Variants in PPP2R3A observed in about 807,000 individuals in gnomAD.
PPP2R3A encodes serine/threonine-protein phosphatase 2A regulatory subunit B'' subunit alpha.
A neutral mutation model predicts 106.9 loss-of-function variants in PPP2R3A; 80 were observed. The ratio of observed to expected loss-of-function variants is 0.75; its 90% CI spans 0.62 to 0.90. PPP2R3A has a LOEUF of 0.90. Among genes scored for constraint, PPP2R3A ranks in the 40% least tolerant of loss-of-function variants. The pLI, the probability that PPP2R3A is intolerant of heterozygous loss-of-function variation, is 0.00. For missense variants in PPP2R3A, 1,386 were observed against 1,350.4 expected (o/e 1.03, Z -0.41); for synonymous variants, 483 against 468.3 (o/e 1.03, Z -0.41).
intron 13 of PPP2R3A, among the ~76,000 whole-genome samples, chr3:136,123,015 T>C (rs991673369): frequency 4.6e-5 from 7 of 152,166 alleles, no homozygotes; most frequent in African/African-American, 1.7e-4. Flanking sequence ...AACTCTTTAA[T>C]GGATAAAGGG....
intron 1 of PPP2R3A, among the ~76,000 whole-genome samples, chr3:135,990,930 G>A (rs1933133597): frequency 6.6e-6 from 1 of 152,006 alleles, no homozygotes; most frequent in African/African-American, 2.4e-5. Context: ...TGTTGCCTTT[G>A]CCCCACTCCT....
In PPP2R3A at chr3:136,001,704, A is replaced by G. The variant is rs778966548; in HGVS notation, c.206A>G (p.Asn69Ser). 24 of 1,613,970 alleles carry G rather than the reference A, an allele frequency of 1.5e-5. No homozygotes were observed. Among genetic ancestry groups the G allele is most frequent in the Middle Eastern group, 1.6e-4 (1 of 6,062 alleles). Residue 69 changes from asparagine (N) to serine (S), a missense_variant, in exon 2 of 14, where the codon AAC becomes AGC. By Grantham distance (46) the Asn-to-Ser change is conservative. Coordinates refer to ENST00000264977, the MANE Select transcript of PPP2R3A (RefSeq NM_002718.5). ...TCTCAGTTCAAAGATGCAGATCTGAACTCTATGTTTCTACCCCATGAAAAT... is the reference window on the plus strand; with the variant it reads ...TCTCAGTTCAAAGATGCAGATCTGAGCTCTATGTTTCTACCCCATGAAAAT... ...PVSQFKDADL[N>S]SMFLPHENGL...
intron 4 of PPP2R3A, among the ~76,000 whole-genome samples, chr3:136,041,448 T>C (rs921339933): frequency 1.3e-5 from 2 of 151,942 alleles, no homozygotes; most frequent in African/African-American, 4.8e-5. Flanking sequence ...TGGATCTCAC[T>C]CTGTTGCCCA....
chr3:136,105,876 C>G (rs1160344954), intron 12 of PPP2R3A, among the ~76,000 whole-genome samples: 3 of 152,026 alleles, frequency 2.0e-5, no homozygotes, highest in Non-Finnish European at 4.4e-5. Context: ...AGGAGAATTG[C>G]TTGAACCCAG....
intron 5 of PPP2R3A, among the ~76,000 whole-genome samples, chr3:136,058,411 C>T (rs909288364): frequency 1.3e-5 from 2 of 152,140 alleles, no homozygotes; most frequent in Admixed American, 1.3e-4. Flanking sequence ...AACTCCCATT[C>T]ACAATTGCCA....
At chr3:136,077,294 T>A (rs1424566172) in intron 6 of PPP2R3A, among the ~76,000 whole-genome samples, 1 of 152,152 alleles carries the variant, frequency 6.6e-6, no homozygotes, top group East Asian at 1.9e-4. Context: ...GAAGAATCAC[T>A]CTCTCTGCTG....
chr3:136,093,758 A>G (rs1937152509), intron 10 of PPP2R3A, among the ~76,000 whole-genome samples: 1 of 152,262 alleles, frequency 6.6e-6, no homozygotes, highest in African/African-American at 2.4e-5. Flanking sequence ...GGTGCTGCCA[A>G]GCAGGTGGAA....
intron 7 of PPP2R3A, among the ~76,000 whole-genome samples, chr3:136,079,623 G>A (rs1460020911): frequency 6.6e-6 from 1 of 151,726 alleles, no homozygotes; most frequent in African/African-American, 2.4e-5. Flanking sequence ...TGGCCAGGCT[G>A]GTCTCCAACT....
rs544440299 is a variant in PPP2R3A at position 135,984,095 on chromosome 3, C to T, written c.-440-16964C>T. On this transcript the variant is annotated intron_variant, in intron 1 of 13. Coordinates refer to ENST00000264977, the MANE Select transcript of PPP2R3A (RefSeq NM_002718.5). ...ACAACTTCAGTGTTGTATAGATTTT[C>T]CCTCCCTCCTTCCCCTTCTAACTAC... is the stretch of plus-strand genomic sequence containing the variant. Among the ~76,000 whole-genome samples, 5 of 152,218 alleles carry T rather than the reference C, an allele frequency of 3.3e-5. No individual in the cohort carries two copies. In the East Asian group the frequency reaches 9.7e-4, roughly 29 times the overall value.
chr3:135,995,447 A>ATTTTTTTT (rs60359404), intron 1 of PPP2R3A, among the ~76,000 whole-genome samples: 11 of 87,324 alleles, frequency 1.3e-4, no homozygotes, highest in Non-Finnish European at 1.5e-4. Flanking sequence ...ACGTTGACAG[A>ATTTTTTTT]TTTTTTTTTT....
At chr3:136,017,694 A>C (rs1018187584) in intron 2 of PPP2R3A, among the ~76,000 whole-genome samples, 1 of 152,172 alleles carries the variant, frequency 6.6e-6, no homozygotes, top group Non-Finnish European at 1.5e-5. Context: ...CTTTGGTGTC[A>C]CTTCAGAGTG....
At chr3:136,065,068 G>C (rs1017329757) in intron 5 of PPP2R3A, among the ~76,000 whole-genome samples, 2 of 152,162 alleles carry the variant, frequency 1.3e-5, no homozygotes, top group African/African-American at 4.8e-5. Context: ...TAAAAGGAAA[G>C]TAAGGAACTA....
chr3:136,039,443 C>T (rs924447039), intron 3 of PPP2R3A, among the ~76,000 whole-genome samples: 7 of 152,048 alleles, frequency 4.6e-5, no homozygotes, highest in African/African-American at 1.7e-4. Flanking sequence ...CAGGGACTAG[C>T]TTTGTGGAAG....
intron 2 of PPP2R3A, 38 bp from the exon 3 acceptor site, chr3:136,026,794 T>G (rs962017221): frequency 6.5e-7 from 1 of 1,539,264 alleles, no homozygotes; most frequent in Non-Finnish European, 8.8e-7. Flanking sequence ...GAATACTGTT[T>G]AAATTTTTTG....
Position 136,120,136 on chromosome 3 carries a change from G to C in PPP2R3A, c.3329+13814G>C, listed in dbSNP as rs113788377. 5.9e-3 allele frequency among the ~76,000 whole-genome samples: 899 copies of C among 151,986 alleles called. 7 individuals are homozygous for C. Among genetic ancestry groups the C allele is most frequent in the Middle Eastern group, 0.014 (4 of 294 alleles). On this transcript the variant is annotated intron_variant, in intron 13 of 13. Coordinates refer to ENST00000264977, the MANE Select transcript of PPP2R3A (RefSeq NM_002718.5). ...CCTTAACATATCCAGGCCTGTCCGG[G>C]GGGGGTGGGGGCTAGGGGAGTGATA... is the stretch of plus-strand genomic sequence containing the variant.
chr3:136,077,071 G>A (rs926251332), intron 6 of PPP2R3A, among the ~76,000 whole-genome samples: 40 of 152,316 alleles, frequency 2.6e-4, no homozygotes, highest in African/African-American at 9.6e-4. Flanking sequence ...TAACCACAGG[G>A]ACAGCTAAAG....
At chr3:136,017,194 C>T (rs1441843595) in intron 2 of PPP2R3A, among the ~76,000 whole-genome samples, 1 of 152,158 alleles carries the variant, frequency 6.6e-6, no homozygotes, top group African/African-American at 2.4e-5. Context: ...TGCTGTTAAT[C>T]TGAGAGGTTT....
At chr3:136,127,811 T>C (rs1010970360) in intron 13 of PPP2R3A, among the ~76,000 whole-genome samples, 2 of 152,054 alleles carry the variant, frequency 1.3e-5, no homozygotes, top group Admixed American at 6.6e-5. Context: ...TAAAAGCAGA[T>C]CTCTTGGCAG....
At chr3:136,064,298 T>A (rs1366182837) in intron 5 of PPP2R3A, among the ~76,000 whole-genome samples, 2 of 148,266 alleles carry the variant, frequency 1.3e-5, no homozygotes, top group Non-Finnish European at 3.0e-5. Context: ...GGATAGCATT[T>A]GGAGATACAC....
Sources: allele counts gnomAD v4.1 joint callset (sites outside exome capture counted in the v4.1 genomes callset), GRCh38; gene constraint gnomAD v4.1.1; transcripts MANE v1.5; gene names NCBI Gene and HGNC (gene_info 2026-07-23, HGNC 2026-07-21).